TNRC6B: variants seen among roughly 807,000 people sequenced by gnomAD.
The protein encoded by TNRC6B is trinucleotide repeat-containing gene 6B protein.
TNRC6B carries 52 observed loss-of-function variants against 203.6 expected under a neutral mutation model. That is an observed-to-expected ratio of 0.26 (90% CI 0.20 to 0.32). TNRC6B has a LOEUF of 0.32. Ranked by LOEUF, TNRC6B falls within the 10% of genes least tolerant of loss-of-function variation. The probability of loss-of-function intolerance (pLI) is 1.00; values close to 1 mark genes in which losing one functional copy is unlikely to be tolerated. For missense variants in TNRC6B, 1,923 were observed against 2,286.2 expected (o/e 0.84, Z 3.24); for synonymous variants, 838 against 845.7 (o/e 0.99, Z 0.16).
chr22:40,264,198 T>G (rs964509233), intron 4 of TNRC6B, among the ~76,000 whole-genome samples: 13 of 152,198 alleles, frequency 8.5e-5, no homozygotes, highest in African/African-American at 1.7e-4. Context: ...TAGTAGAAGA[T>G]AAGACTAGAA....
intron 1 of TNRC6B, among the ~76,000 whole-genome samples, chr22:40,049,925 G>A (rs916574785): frequency 2.0e-5 from 3 of 152,070 alleles, no homozygotes; most frequent in East Asian, 1.9e-4. Flanking sequence ...CTACTTCTTC[G>A]TACTCAGTAT....
chr22:40,180,442 A>G (rs2069117355), intron 1 of TNRC6B, among the ~76,000 whole-genome samples: 1 of 152,202 alleles, frequency 6.6e-6, no homozygotes, highest in Non-Finnish European at 1.5e-5. Flanking sequence ...TGATACAATG[A>G]ATGCCATTTG....
Position 40,331,036 on chromosome 22 carries a change from T to G in TNRC6B, c.*7795T>G, listed in dbSNP as rs1601530482. ...TGTGCTCATGTGGCTTTGGCTGTTT[T>G]GTTTTTTGTTTTTCTGTAAGCACTG... On this transcript the variant is annotated 3_prime_UTR_variant, in exon 23 of 23. Coordinates refer to ENST00000454349, the MANE Select transcript of TNRC6B (RefSeq NM_001162501.2). 1 of 152,726 alleles carries G rather than the reference T, an allele frequency of 6.5e-6. No homozygotes were observed. Among genetic ancestry groups the G allele is most frequent in the African/African-American group, 2.4e-5 (1 of 41,470 alleles). The allele number at this position is 152,726 out of a possible 1,614,324, so 9.5% of individuals were successfully genotyped here. A position where few individuals can be genotyped will look rare whatever the true frequency, so the allele number is the denominator to read the frequency against.
In TNRC6B at chr22:40,312,492, T is replaced by C. The variant is rs748081339; in HGVS notation, c.4436-13T>C. On this transcript the variant is annotated splice_polypyrimidine_tract_variant and intron_variant, in intron 17 of 22. Transcript: ENST00000454349. ...CGACCTTCCTTCTCTAATATTTGTT[T>C]TCCTTGTCTCAGAATTCCAACCAGG... The C allele has an allele frequency of 5.6e-6, 9 of 1,600,448 alleles. No homozygotes were observed. In the South Asian group the frequency reaches 1.0e-4, roughly 18 times the overall value.
intron 3 of TNRC6B, among the ~76,000 whole-genome samples, chr22:40,154,102 G>T (rs111768232): frequency 6.6e-6 from 1 of 151,318 alleles, no homozygotes; most frequent in African/African-American, 2.4e-5. Context: ...TCCTGCCTCT[G>T]TCCCCCGAAG....
At chr22:40,106,237 CTTTTT>C (rs201593383) in intron 1 of TNRC6B, 5 of 156,320 alleles carry the variant, frequency 3.2e-5, no homozygotes, top group Admixed American at 9.6e-5. Flanking sequence ...TCGAGGTTGT[CTTTTT>C]TTTTTTTTTT....
chr22:40,141,306 G>A (rs965108327), intron 3 of TNRC6B, among the ~76,000 whole-genome samples: 2 of 146,908 alleles, frequency 1.4e-5, no homozygotes, highest in Non-Finnish European at 3.0e-5. Context: ...CCCGGGTTCA[G>A]GCGATGCTCC....
chr22:40,295,488 A>AAAAG (rs897950284), intron 12 of TNRC6B, among the ~76,000 whole-genome samples: 8 of 151,862 alleles, frequency 5.3e-5, no homozygotes, highest in African/African-American at 1.2e-4. Context: ...AAAAAAAAAA[A>AAAAG]AAAGAAAGAA....
rs1366679605 is a variant in TNRC6B, at chr22:40,301,302, A to G, written c.4089A>G (p.Gln1363=). 1.2e-6 allele frequency: 2 copies of G among 1,605,894 alleles called. No individual in the cohort carries two copies. The highest frequency in any genetic ancestry group is 1.7e-6 in the Non-Finnish European group (2 of 1,175,722). Residue 1363 remains glutamine (Q), a synonymous_variant, in exon 15 of 23, where the codon CAA becomes CAG. Coordinates refer to ENST00000454349, the MANE Select transcript of TNRC6B (RefSeq NM_001162501.2). ...TGAATGTGGGGCTCCCAGACCTTCA[A>G]ACCAAAGGGCCAATACCTGGATATG... ...NALNVGLPDL[Q]TKGPIPGYGS...
intron 1 of TNRC6B, among the ~76,000 whole-genome samples, chr22:40,190,802 G>A (rs1460467175): frequency 4.6e-5 from 7 of 152,232 alleles, no homozygotes; most frequent in East Asian, 1.9e-4. Flanking sequence ...TAGCTGTGTC[G>A]GGTGTTTGGA....
chr22:40,057,739 C>T (rs1308557405), intron 1 of TNRC6B, among the ~76,000 whole-genome samples: 1 of 152,074 alleles, frequency 6.6e-6, no homozygotes, highest in African/African-American at 2.4e-5. Context: ...TTGCTGGGTA[C>T]AAGATTCTGA....
chr22:40,250,459 CTTTCT>C (rs1378999201), intron 2 of TNRC6B, among the ~76,000 whole-genome samples: 1 of 146,468 alleles, frequency 6.8e-6, no homozygotes, highest in African/African-American at 2.7e-5. Context: ...TAAAGAAATA[CTTTCT>C]TTTTTTTTTA....
chr22:40,131,218 G>A (rs61379922), intron 3 of TNRC6B, among the ~76,000 whole-genome samples: 1 of 151,914 alleles, frequency 6.6e-6, no homozygotes, highest in African/African-American at 2.4e-5. Context: ...TGTGCCCAGC[G>A]CGGTATAGAA....
At chr22:40,091,616 T>A (rs1443797167) in intron 1 of TNRC6B, among the ~76,000 whole-genome samples, 1 of 152,186 alleles carries the variant, frequency 6.6e-6, no homozygotes, top group African/African-American at 2.4e-5. Flanking sequence ...TAACGGTTTT[T>A]AAAAATATAT....
chr22:40,116,383 T>C (rs908778790), intron 1 of TNRC6B, among the ~76,000 whole-genome samples: 2 of 152,228 alleles, frequency 1.3e-5, no homozygotes, highest in Admixed American at 6.5e-5. Context: ...CCATTTAATA[T>C]ATATTCCTAT....
chr22:40,105,089 T>A (rs1337276575), intron 1 of TNRC6B, among the ~76,000 whole-genome samples: 1 of 152,120 alleles, frequency 6.6e-6, no homozygotes, highest in Non-Finnish European at 1.5e-5. Context: ...AGCACACGAT[T>A]GAGAGCAAGT....
At chr22:40,305,458 T>C (rs766692451) in intron 15 of TNRC6B, among the ~76,000 whole-genome samples, 3 of 152,242 alleles carry the variant, frequency 2.0e-5, no homozygotes, top group Non-Finnish European at 4.4e-5. Context: ...AGCTTGTAAA[T>C]AGCCGAAGGT....
chr22:40,153,678 A>G (rs1002700802), intron 3 of TNRC6B, among the ~76,000 whole-genome samples: 1 of 151,928 alleles, frequency 6.6e-6, no homozygotes, highest in African/African-American at 2.4e-5. Flanking sequence ...TTACTACATA[A>G]TAGCACTGTT....
chr22:40,296,349 T>G (rs1404745515), intron 12 of TNRC6B, among the ~76,000 whole-genome samples: 1 of 148,818 alleles, frequency 6.7e-6, no homozygotes, highest in African/African-American at 2.5e-5. Flanking sequence ...TTTTTTTTTT[T>G]GAGACAGAGT....
Sources: gnomAD v4.1 joint callset for allele counts (sites outside exome capture counted in the v4.1 genomes callset) on GRCh38, gnomAD v4.1.1 for gene constraint, MANE v1.5 for transcripts, NCBI Gene and HGNC (gene_info 2026-07-23, HGNC 2026-07-21) for gene names.